The following ABCC5 variants were observed in gnomAD, a reference collection of about 807,000 sequenced individuals.
ABCC5 encodes the protein ATP binding cassette subfamily C member 5.
ABCC5 carries 61 observed loss-of-function variants against 160.9 expected under a neutral mutation model. The ratio of observed to expected loss-of-function variants is 0.38; its 90% CI spans 0.31 to 0.47. The LOEUF (loss-of-function observed/expected upper bound fraction) is 0.47, where lower values mean the gene tolerates loss of function less well. ABCC5 is among the 20% of genes least tolerant of loss of function. The probability of loss-of-function intolerance (pLI) is 0.99; values close to 1 mark genes in which losing one functional copy is unlikely to be tolerated. For synonymous variants in ABCC5, 666 were observed against 700.6 expected, an observed-to-expected ratio of 0.95 and a Z score of 0.78; for missense variants, 1,308 against 1,813.3, an observed-to-expected ratio of 0.72 and a Z score of 5.06.
At chr3:183,986,770 G>A (rs1323006358) in intron 5 of ABCC5, 2 of 152,066 alleles carry the variant, frequency 1.3e-5, no homozygotes, top group African/African-American at 2.4e-5. Context: ...TGCCATTTTG[G>A]TAAATTACAT....
chr3:183,941,096 G>C (rs954720236), intron 25 of ABCC5, among the ~76,000 whole-genome samples: 6 of 152,178 alleles, frequency 3.9e-5, no homozygotes, highest in Non-Finnish European at 7.3e-5. Flanking sequence ...CTGACGTCAG[G>C]TGATCCACCA....
chr3:183,954,250 G>GC (rs1234209888), intron 17 of ABCC5, among the ~76,000 whole-genome samples: 1 of 152,128 alleles, frequency 6.6e-6, no homozygotes, highest in Non-Finnish European at 1.5e-5. Flanking sequence ...CCGGGTTCAA[G>GC]CAATTCTCCT....
At chr3:183,960,056 T>TA (rs1489989576) in intron 16 of ABCC5, among the ~76,000 whole-genome samples, 1 of 152,242 alleles carries the variant, frequency 6.6e-6, no homozygotes, top group Non-Finnish European at 1.5e-5. Context: ...CCCCAGTCAC[T>TA]AAACTCCAAA....
rs150954964 is a variant in ABCC5 at position 184,015,874 on chromosome 3, G to C, written c.-55-1427C>G. Among the ~76,000 whole-genome samples the C allele has an allele frequency of 2.0e-3, 297 of 152,298 alleles. 2 individuals carry two copies. Among genetic ancestry groups the C allele is most frequent in the Admixed American group, 7.0e-3 (107 of 15,302 alleles). On this transcript the variant is annotated intron_variant, in intron 1 of 29. Coordinates refer to ENST00000334444, the MANE Select transcript of ABCC5 (RefSeq NM_005688.4). ...GTAGATCAGAGTAACCTTCTTACGGGAATCACGAAATTCTAACCTTCCCCT... is the reference window on the plus strand; with the variant it reads ...GTAGATCAGAGTAACCTTCTTACGGCAATCACGAAATTCTAACCTTCCCCT...
chr3:183,975,714 C>T (rs930312279), intron 10 of ABCC5, among the ~76,000 whole-genome samples: 12 of 151,938 alleles, frequency 7.9e-5, no homozygotes, highest in African/African-American at 9.7e-5. Context: ...AGACTGAGAC[C>T]ACCAAGAGAA....
At chr3:183,959,974 T>C (rs1326019696) in intron 16 of ABCC5, 139 bp from the exon 17 acceptor site, 4 of 583,710 alleles carry the variant, frequency 6.9e-6, no homozygotes, top group Non-Finnish European at 1.2e-5. Context: ...GGGTCACCTA[T>C]ACTCATTTCT....
chr3:183,985,035 T>G, intron 5 of ABCC5: 1 of 737,226 alleles, frequency 1.4e-6, no homozygotes, highest in East Asian at 2.7e-5. Flanking sequence ...ATGTTTACAC[T>G]ATGCGAAACT....
chr3:183,930,291 A>G (rs569309788), intron 26 of ABCC5, among the ~76,000 whole-genome samples: 1 of 152,340 alleles, frequency 6.6e-6, no homozygotes, highest in Admixed American at 6.5e-5. Context: ...CTATCTGGGC[A>G]TCTCTCGATC....
In ABCC5 at chr3:183,926,142, GTT is replaced by G. The variant is rs545167336; in HGVS notation, c.4048-425_4048-424del. On this transcript the variant is annotated intron_variant, in intron 28 of 29. Transcript: ENST00000334444. ...CTTGAGCCACCGTGCCCAGCCTATT[GTT>G]TTTTTTTTTTTTTTCTAAGAAAGCA... Among the ~76,000 whole-genome samples, 350 of 132,018 alleles carry G rather than the reference GTT, an allele frequency of 2.7e-3. 4 individuals carry two copies. Among genetic ancestry groups the G allele is most frequent in the African/African-American group, 8.7e-3 (316 of 36,398 alleles). 86.6% of individuals were successfully genotyped at this position (132,018 alleles called of 152,430 possible). A position where few individuals can be genotyped will look rare whatever the true frequency, so the allele number is the denominator to read the frequency against.
intron 2 of ABCC5, among the ~76,000 whole-genome samples, chr3:184,003,636 T>C (rs527338106): frequency 1.3e-5 from 2 of 152,330 alleles, no homozygotes; most frequent in South Asian, 2.1e-4. Context: ...AGCTGTGCTA[T>C]GTTACTCTCA....
chr3:183,965,580 A>C, intron 12 of ABCC5, 79 bp from the exon 13 acceptor site: 2 of 1,570,514 alleles, frequency 1.3e-6, no homozygotes, highest in Non-Finnish European at 1.7e-6. Context: ...ACCTTCCACA[A>C]TGGAATCTAG....
intron 26 of ABCC5, among the ~76,000 whole-genome samples, chr3:183,932,863 C>T (rs534225846): frequency 6.6e-6 from 1 of 152,160 alleles, no homozygotes; most frequent in East Asian, 1.9e-4. Context: ...TTGTTAAATA[C>T]AATTAAGATG....
In ABCC5 at chr3:183,984,329, C is replaced by T. The variant is rs140620511; in HGVS notation, c.592-1322G>A. 2,894 of 985,764 alleles carry T rather than the reference C, an allele frequency of 2.9e-3. 4 individuals carry two copies. Among genetic ancestry groups the T allele is most frequent in the Non-Finnish European group, 3.2e-3 (2,681 of 830,308 alleles). The allele number at this position is 985,764 out of a possible 1,614,324, so 61.1% of individuals were successfully genotyped here. A position where few individuals can be genotyped will look rare whatever the true frequency, so the allele number is the denominator to read the frequency against. ...ACAACAAAAGAAAGCCAAACCAATC[C>T]CCCACCCTAAAGGAAGAAAAAAATT... On this transcript the variant is annotated intron_variant, in intron 5 of 29. Coordinates refer to ENST00000334444, the MANE Select transcript of ABCC5 (RefSeq NM_005688.4).
chr3:183,951,714 A>T lies in ABCC5; in HGVS notation c.2814+143T>A. 2.1e-6 allele frequency: 3 copies of T among 1,459,868 alleles called. No homozygotes were observed. Among genetic ancestry groups the T allele is most frequent in the Non-Finnish European group, 1.9e-6 (2 of 1,077,620 alleles). The allele number at this position is 1,459,868 out of a possible 1,614,324, so 90.4% of individuals were successfully genotyped here. On this transcript the variant is annotated intron_variant, in intron 19 of 29. Coordinates refer to ENST00000334444, the MANE Select transcript of ABCC5 (RefSeq NM_005688.4). This position sits in a 1 kb window ranked among gnomAD's most constrained non-coding sequence, Gnocchi z 4.7. ...ACAGGTGGCAAGTGAGAAAAGGTGG[A>T]GGCTAACGGAATATGAGTCATCTCA...
chr3:183,932,109 AG>A (rs1713236801), intron 26 of ABCC5, among the ~76,000 whole-genome samples: 1 of 152,230 alleles, frequency 6.6e-6, no homozygotes, highest in African/African-American at 2.4e-5. Flanking sequence ...TCGGTATAGT[AG>A]AAAACACTGC....
chr3:183,989,104 G>T lies in ABCC5; in HGVS notation c.287+122C>A, dbSNP rs150256097. 4.5e-4 allele frequency: 451 copies of T among 1,007,056 alleles called. 1 individual carries two copies. In the African/African-American group the frequency reaches 6.6e-3, roughly 15 times the overall value. The allele number at this position is 1,007,056 out of a possible 1,614,324, so 62.4% of individuals were successfully genotyped here. A position where few individuals can be genotyped will look rare whatever the true frequency, so the allele number is the denominator to read the frequency against. On this transcript the variant is annotated intron_variant, in intron 3 of 29. Coordinates refer to ENST00000334444, the MANE Select transcript of ABCC5 (RefSeq NM_005688.4). ...GAGAATCACTTGAACCCAGGAGGCG[G>T]AGGTTGCAGTGAGCCGAGATCATGC...
chr3:183,956,703 T>A (rs75388405), intron 17 of ABCC5, among the ~76,000 whole-genome samples: 4 of 59,342 alleles, frequency 6.7e-5, no homozygotes, highest in African/African-American at 4.2e-4. Flanking sequence ...TCCGTGTGTA[T>A]ATCATATAGG....
At position 183,984,597 on chromosome 3, in the gene ABCC5, A is replaced by G; in HGVS notation, c.592-1590T>C. The G allele has an allele frequency of 3.7e-6, 5 of 1,365,028 alleles. No individual in the cohort carries two copies. The South Asian group carries it at 6.6e-5, about 18-fold the overall frequency. The allele number at this position is 1,365,028 out of a possible 1,614,324, so 84.6% of individuals were successfully genotyped here. A position where few individuals can be genotyped will look rare whatever the true frequency, so the allele number is the denominator to read the frequency against. On this transcript the variant is annotated intron_variant, in intron 5 of 29. Coordinates refer to ENST00000334444, the MANE Select transcript of ABCC5 (RefSeq NM_005688.4). ...ACCAATCAGATTTTTGCCAAGTCCC[A>G]GGAAATAACCTGATCAAATAGGAGA...
chr3:183,959,948 A>C (rs1357337027), intron 16 of ABCC5, 113 bp from the exon 17 acceptor site: 5 of 694,258 alleles, frequency 7.2e-6, no homozygotes, highest in Non-Finnish European at 1.2e-5. Context: ...AAAAAGATAC[A>C]TCCAACTTCT....
Sources: allele counts gnomAD v4.1 joint callset (sites outside exome capture counted in the v4.1 genomes callset), GRCh38; gene constraint gnomAD v4.1.1; non-coding constraint Gnocchi (gnomAD v3.1); transcripts MANE v1.5; gene names NCBI Gene and HGNC (gene_info 2026-07-23, HGNC 2026-07-21).